Variants in CLVS1 observed in about 807,000 individuals in gnomAD.
CLVS1 encodes clavesin-1.
Under a neutral mutation model 33.1 loss-of-function variants are expected in CLVS1, and 10 were observed. That is an observed-to-expected ratio of 0.30 (90% CI 0.19 to 0.51). The LOEUF (loss-of-function observed/expected upper bound fraction) is 0.51, where lower values mean the gene tolerates loss of function less well. Among genes scored for constraint, CLVS1 ranks in the 20% least tolerant of loss-of-function variants. CLVS1 has a pLI of 0.97. For missense variants in CLVS1, 343 were observed against 433.4 expected, an observed-to-expected ratio of 0.79 and a Z score of 1.85; for synonymous variants, 163 against 166.1, an observed-to-expected ratio of 0.98 and a Z score of 0.14.
At chr8:61,482,682 G>A (rs1586040586) in intron 5 of CLVS1, among the ~76,000 whole-genome samples, 1 of 152,132 alleles carries the variant, frequency 6.6e-6, no homozygotes, top group East Asian at 1.9e-4. Flanking sequence ...AATGAACAAA[G>A]CCTCCAAGAG....
intron 2 of CLVS1, among the ~76,000 whole-genome samples, chr8:61,181,677 C>T (rs985371910): frequency 1.7e-4 from 25 of 150,590 alleles, no homozygotes; most frequent in Non-Finnish European, 3.7e-4. Flanking sequence ...AATTATACCA[C>T]ACATCTACAA....
At position 61,133,968 on chromosome 8, in the gene CLVS1, G is replaced by A. The variant is rs1274010721; in HGVS notation, c.-152+2108G>A. ...AGGTTTTTTGTTTTTGATTGAGAGT[G>A]GTTGGGTATGAGAGGTTGGGAGGAA... On this transcript the variant is annotated intron_variant, in intron 2 of 2. Transcript: ENST00000522621. Among the ~76,000 whole-genome samples the A allele has an allele frequency of 3.3e-5, 5 of 152,220 alleles. No individual in the cohort carries two copies. The East Asian group carries it at 5.8e-4, about 18-fold the overall frequency.
chr8:61,193,013 T>C (rs1408143117), intron 2 of CLVS1, among the ~76,000 whole-genome samples: 2 of 152,188 alleles, frequency 1.3e-5, no homozygotes, highest in African/African-American at 4.8e-5. Flanking sequence ...AGCCATCCTA[T>C]TACTGGGTAT....
At position 61,500,318 on chromosome 8, in the gene CLVS1, G is replaced by GA. The variant is rs1473932365; in HGVS notation, c.*780dup. 2 of 152,198 alleles carry GA rather than the reference G, an allele frequency of 1.3e-5. No homozygotes were observed. Among genetic ancestry groups the GA allele is most frequent in the Admixed American group, 6.5e-5 (1 of 15,280 alleles). The allele number at this position is 152,198 out of a possible 1,614,324, so 9.4% of individuals were successfully genotyped here. A position where few individuals can be genotyped will look rare whatever the true frequency, so the allele number is the denominator to read the frequency against. ...TGTGTCTGCAGAGGAGATGTCTCAT[G>GA]AAAATCACATGTCAGTGATTAATGA... On this transcript the variant is annotated 3_prime_UTR_variant, in exon 6 of 6. Transcript: ENST00000325897.
chr8:61,365,922 A>C (rs1341446984), intron 2 of CLVS1, among the ~76,000 whole-genome samples: 6 of 152,074 alleles, frequency 3.9e-5, no homozygotes, highest in Non-Finnish European at 7.4e-5. Flanking sequence ...CTGAAAATAG[A>C]ATGGCCAAAA....
intron 1 of CLVS1, among the ~76,000 whole-genome samples, chr8:61,093,243 A>G (rs79651924): frequency 6.6e-6 from 1 of 152,220 alleles, no homozygotes; most frequent in African/African-American, 2.4e-5. Flanking sequence ...ACCAAGCCAC[A>G]CAAAACTGTG....
intron 2 of CLVS1, among the ~76,000 whole-genome samples, chr8:61,330,581 C>T (rs1811556930): frequency 2.6e-5 from 4 of 152,178 alleles, no homozygotes; most frequent in African/African-American, 9.7e-5. Context: ...TTTGGTCAAA[C>T]ACACTGACTA....
chr8:61,122,753 G>A (rs1411681591), intron 1 of CLVS1, among the ~76,000 whole-genome samples: 1 of 152,142 alleles, frequency 6.6e-6, no homozygotes, highest in African/African-American at 2.4e-5. Context: ...AAAAGAAACA[G>A]GTGTGGATAA....
At chr8:61,072,402 T>C (rs948151645) in intron 1 of CLVS1, among the ~76,000 whole-genome samples, 1 of 152,250 alleles carries the variant, frequency 6.6e-6, no homozygotes, top group African/African-American at 2.4e-5. Flanking sequence ...CCCCCTCTTA[T>C]TTCTCTTGGT....
the CLVS1 span, among the ~76,000 whole-genome samples, chr8:61,002,879 G>A: frequency 1.3e-5 from 2 of 152,300 alleles, no homozygotes; most frequent in South Asian, 4.1e-4. Context: ...AAATAAGAAG[G>A]CAGGGCCTTG....
At chr8:61,275,782 ACAATGCCATTCAT>A (rs964079134) in intron 2 of CLVS1, among the ~76,000 whole-genome samples, 6 of 152,240 alleles carry the variant, frequency 3.9e-5, no homozygotes, top group Admixed American at 3.3e-4. Flanking sequence ...TCTTACCTTT[ACAATGCCATTCAT>A]CCCTCAAAAG....
chr8:61,059,820 A>C (rs1035386089), intron 1 of CLVS1, among the ~76,000 whole-genome samples: 43 of 152,002 alleles, frequency 2.8e-4, no homozygotes, highest in African/African-American at 9.4e-4. Context: ...CAAAAAAAAA[A>C]AATAGTGAAC....
chr8:61,345,621 GGT>G (rs1554561987), intron 2 of CLVS1, among the ~76,000 whole-genome samples: 6 of 148,758 alleles, frequency 4.0e-5, no homozygotes, highest in Non-Finnish European at 8.9e-5. Flanking sequence ...AGCCTCTAGG[GGT>G]GTGTGTGTGT....
intron 1 of CLVS1, among the ~76,000 whole-genome samples, chr8:61,299,428 C>T (rs1810347996): frequency 6.6e-6 from 1 of 152,184 alleles, no homozygotes; most frequent in South Asian, 2.1e-4. Flanking sequence ...ATTACGTTAA[C>T]TAGTCAATGG....
the CLVS1 span, among the ~76,000 whole-genome samples, chr8:61,042,064 G>T: frequency 6.6e-6 from 1 of 152,156 alleles, no homozygotes; most frequent in African/African-American, 2.4e-5. Context: ...GCTCCAACCA[G>T]CTTGAATCCC....
chr8:61,220,122 G>A (rs1206886242), intron 2 of CLVS1, among the ~76,000 whole-genome samples: 1 of 152,140 alleles, frequency 6.6e-6, no homozygotes, highest in Non-Finnish European at 1.5e-5. Context: ...TGCTCACTCT[G>A]ATGATAATTT....
chr8:61,435,421 C>T (rs1816293134), intron 3 of CLVS1, among the ~76,000 whole-genome samples: 1 of 152,074 alleles, frequency 6.6e-6, no homozygotes, highest in Non-Finnish European at 1.5e-5. Context: ...CTCCTTAGGG[C>T]CATAGTCAGT....
the CLVS1 span, among the ~76,000 whole-genome samples, chr8:61,033,161 A>AAGAAAAAGAAAAAG: frequency 2.1e-4 from 19 of 92,210 alleles, 3 homozygotes; most frequent in Non-Finnish European, 3.6e-4. Flanking sequence ...GAAAGAAAGA[A>AAGAAAAAGAAAAAG]AAAGAAAGAA....
At chr8:61,474,148 G>A (rs1845257) in intron 5 of CLVS1, among the ~76,000 whole-genome samples, 81,939 of 152,096 alleles carry the variant, frequency 0.54, 26,230 homozygotes, top group Non-Finnish European at 0.71. Flanking sequence ...TACAGCGCAA[G>A]ACACCATTCT....
Sources: gnomAD v4.1 joint callset for allele counts (sites outside exome capture counted in the v4.1 genomes callset) on GRCh38, gnomAD v4.1.1 for gene constraint, MANE v1.5 for transcripts, NCBI Gene and HGNC (gene_info 2026-07-23, HGNC 2026-07-21) for gene names.